Variants in STXBP4 observed in about 807,000 individuals in gnomAD.
STXBP4 encodes the protein syntaxin binding protein 4.
STXBP4 carries 55 observed loss-of-function variants against 76.1 expected under a neutral mutation model. The ratio of observed to expected loss-of-function variants is 0.72; its 90% CI spans 0.58 to 0.91. The LOEUF is 0.91. Ranked by LOEUF, STXBP4 falls within the 40% of genes least tolerant of loss-of-function variation. The pLI is 0.00. For synonymous variants in STXBP4, 201 were observed against 220.2 expected, an observed-to-expected ratio of 0.91 and a Z score of 0.77; for missense variants, 618 against 636.9, an observed-to-expected ratio of 0.97 and a Z score of 0.32.
intron 16 of STXBP4, among the ~76,000 whole-genome samples, chr17:55,111,050 T>C (rs144603400): frequency 6.6e-6 from 1 of 152,276 alleles, no homozygotes; most frequent in East Asian, 1.9e-4. Context: ...AACACTGGTA[T>C]AGATGCAGGT....
At chr17:55,103,645 G>T (rs2079593716) in intron 16 of STXBP4, among the ~76,000 whole-genome samples, 1 of 148,486 alleles carries the variant, frequency 6.7e-6, no homozygotes, top group Non-Finnish European at 1.5e-5. Flanking sequence ...GAAATTTAAA[G>T]TAGTTTTTTT....
At chr17:55,032,399 G>A (rs557110447) in intron 9 of STXBP4, among the ~76,000 whole-genome samples, 1 of 152,264 alleles carries the variant, frequency 6.6e-6, no homozygotes, top group Admixed American at 6.5e-5. Flanking sequence ...AAAAATGGGT[G>A]AGGAAAGTAA....
At chr17:55,152,808 A>G (rs1468413529) in intron 17 of STXBP4, among the ~76,000 whole-genome samples, 1 of 152,200 alleles carries the variant, frequency 6.6e-6, no homozygotes, top group African/African-American at 2.4e-5. Context: ...GAGCCAAACC[A>G]TATCATATGG....
intron 3 of STXBP4, 116 bp downstream of exon 3, chr17:54,986,382 C>T (rs958556): frequency 0.86 from 589,160 of 687,602 alleles, 253,863 homozygotes; most frequent in East Asian, 1. Flanking sequence ...AGGATAGCAG[C>T]AATGAGTAGT....
intron 8 of STXBP4, among the ~76,000 whole-genome samples, chr17:55,018,225 C>T (rs917661416): frequency 2.0e-5 from 3 of 152,118 alleles, no homozygotes; most frequent in Non-Finnish European, 2.9e-5. Flanking sequence ...CGCACCCGGG[C>T]GCTTAGCCGT....
intron 16 of STXBP4, among the ~76,000 whole-genome samples, chr17:55,124,199 G>C (rs1280436690): frequency 6.6e-6 from 1 of 152,152 alleles, no homozygotes; most frequent in Non-Finnish European, 1.5e-5. Context: ...GAATGAGATG[G>C]AGGTCCAAAT....
At chr17:55,092,370 T>TA (rs34909113) in intron 16 of STXBP4, among the ~76,000 whole-genome samples, 56,210 of 151,958 alleles carry the variant, frequency 0.37, 11,245 homozygotes, top group East Asian at 0.54. Flanking sequence ...CTATTAACAG[T>TA]AAAAAAAGTC....
intron 10 of STXBP4, among the ~76,000 whole-genome samples, chr17:55,041,415 A>C (rs1171410122): frequency 6.6e-6 from 1 of 151,894 alleles, no homozygotes; most frequent in Admixed American, 6.6e-5. Context: ...ACATGGTCTC[A>C]TTATGTTGCC....
chr17:54,968,780 C>A lies in STXBP4; in HGVS notation c.-192C>A. ...CAGGCTCCTCAGGTGGCAGCGCTTG[C>A]AGTCGGGCTACGGAGGCCGGGTTGC... On this transcript the variant is annotated 5_prime_UTR_variant, in exon 1 of 18. Transcript: ENST00000376352. 1.5e-5 allele frequency: 16 copies of A among 1,060,804 alleles called. No individual in the cohort carries two copies. Among genetic ancestry groups the A allele is most frequent in the Non-Finnish European group, 2.2e-5 (16 of 737,016 alleles). 65.7% of individuals were successfully genotyped at this position (1,060,804 alleles called of 1,614,324 possible).
chr17:55,057,172 CTTTT>C (rs2078935780), intron 12 of STXBP4, among the ~76,000 whole-genome samples: 4 of 152,150 alleles, frequency 2.6e-5, no homozygotes. Flanking sequence ...CTGCCATTTT[CTTTT>C]GTCTGGTTAC....
At chr17:54,970,080 G>A (rs1319345418) in intron 1 of STXBP4, among the ~76,000 whole-genome samples, 1 of 152,150 alleles carries the variant, frequency 6.6e-6, no homozygotes, top group Non-Finnish European at 1.5e-5. Context: ...AGGCCCAGGG[G>A]AAGGAAAGAG....
intron 4 of STXBP4, among the ~76,000 whole-genome samples, chr17:54,998,893 G>A (rs905007591): frequency 7.2e-5 from 11 of 151,824 alleles, no homozygotes; most frequent in African/African-American, 2.2e-4. Context: ...CTCAATGTGG[G>A]ATAAATCCAC....
At chr17:54,980,433 A>G (rs2077534424) in intron 1 of STXBP4, among the ~76,000 whole-genome samples, 1 of 152,226 alleles carries the variant, frequency 6.6e-6, no homozygotes. Flanking sequence ...AAAATGCACA[A>G]ACAAAGCAAG....
At chr17:55,193,635 C>T in the STXBP4 span, among the ~76,000 whole-genome samples, 1 of 150,916 alleles carries the variant, frequency 6.6e-6, no homozygotes, top group Middle Eastern at 3.2e-3. Context: ...AGGAAGAGGA[C>T]AAAAAAAGGA....
intron 3 of STXBP4, among the ~76,000 whole-genome samples, chr17:54,986,482 G>A (rs770351700): frequency 2.0e-5 from 3 of 152,062 alleles, no homozygotes; most frequent in Non-Finnish European, 4.4e-5. Flanking sequence ...GTGCAGGCAC[G>A]GTAGGGCATG....
At chr17:55,177,785 C>T (rs542047543), downstream of STXBP4, among the ~76,000 whole-genome samples, 11 of 152,230 alleles carry the variant, frequency 7.2e-5, no homozygotes, top group South Asian at 2.1e-4. Context: ...AAAAATCCCT[C>T]TGACATCTTT....
intron 16 of STXBP4, among the ~76,000 whole-genome samples, chr17:55,119,231 A>G (rs2079816948): frequency 6.6e-6 from 1 of 152,056 alleles, no homozygotes; most frequent in Non-Finnish European, 1.5e-5. Flanking sequence ...GTTAAAAAAT[A>G]TCATTTTTAT....
intron 16 of STXBP4, among the ~76,000 whole-genome samples, chr17:55,125,479 CAAAAAAAAA>C (rs10632680): frequency 1.1e-4 from 10 of 91,768 alleles, no homozygotes; most frequent in Admixed American, 2.9e-4. Flanking sequence ...GGACAAAATA[CAAAAAAAAA>C]AAAAAAAAAA....
chr17:55,097,602 G>A lies in STXBP4; in HGVS notation c.1489+16419G>A, dbSNP rs556415248. ...GGCATGAACCCGGGAGGCGGAGCTT[G>A]CAATGAGCTGAGGTTGTGCCACTGC... On this transcript the variant is annotated intron_variant, in intron 16 of 17. Coordinates refer to ENST00000376352, the MANE Select transcript of STXBP4 (RefSeq NM_178509.6). Among the ~76,000 whole-genome samples, 239 of 151,756 alleles carry A rather than the reference G, an allele frequency of 1.6e-3. 1 individual carries two copies. Among genetic ancestry groups the A allele is most frequent in the Non-Finnish European group, 2.9e-3 (199 of 67,988 alleles).
Sources: gnomAD v4.1 joint callset for allele counts (sites outside exome capture counted in the v4.1 genomes callset) on GRCh38, gnomAD v4.1.1 for gene constraint, MANE v1.5 for transcripts, NCBI Gene and HGNC (gene_info 2026-07-23, HGNC 2026-07-21) for gene names.